The following AMMECR1 variants were observed in gnomAD, a reference collection of about 807,000 sequenced individuals.
AMMECR1 encodes the protein AMMECR nuclear protein 1.
A neutral mutation model predicts 22.5 loss-of-function variants in AMMECR1; 3 were observed. The observed-to-expected ratio is 0.13, with a 90% CI of 0.06 to 0.35. AMMECR1 has a LOEUF of 0.35. Ranked by LOEUF, AMMECR1 falls within the 10% of genes least tolerant of loss-of-function variation. The pLI, the probability that AMMECR1 is intolerant of heterozygous loss-of-function variation, is 1.00. For missense variants in AMMECR1, 235 were observed against 278.7 expected (o/e 0.84, Z 1.12); for synonymous variants, 130 against 116.7 (o/e 1.11, Z -0.74).
chrX:110,207,969 T>C (rs969604615), intron 3 of AMMECR1, among the ~76,000 whole-genome samples: 1 of 111,276 alleles, frequency 9.0e-6, no homozygotes, highest in African/African-American at 3.3e-5. Flanking sequence ...ACTCTGTCTC[T>C]AAAAAACAAA....
chrX:110,335,837 A>G lies in AMMECR1; in HGVS notation c.-147-17988T>C, dbSNP rs1385700910. On this transcript the variant is annotated intron_variant, in intron 2 of 7. Coordinates refer to the AMMECR1 transcript ENST00000372057. ...CCAGGCATTATGCTAGATGCCATGA[A>G]CCTCCTGGAGCTTGTTTAGTGGGGA... Among the ~76,000 whole-genome samples, 5 of 111,642 alleles carry G rather than the reference A, an allele frequency of 4.5e-5. No individual in the cohort carries two copies. In the East Asian group the frequency reaches 1.4e-3, roughly 31 times the overall value.
rs749383585 is a variant in AMMECR1, at chrX:110,264,516, G to A, written c.557C>T (p.Ser186Leu). 1 of 1,203,000 alleles carries A rather than the reference G, an allele frequency of 8.3e-7. No homozygotes were observed. Among genetic ancestry groups the A allele is most frequent in the East Asian group, 3.0e-5 (1 of 33,493 alleles). The change falls in exon 2 of 6, where the codon TCA (serine) becomes TTA (leucine). Residue 186 changes from serine to leucine, a missense_variant. This residue lies in a region of AMMECR1 where 111 missense variants were observed against 181.7 expected (regional missense o/e 0.61). Transcript: ENST00000262844. ...IGTFSAMNLHSGLREYTLTSA... is the reference protein window; with the variant it reads ...IGTFSAMNLHLGLREYTLTSA... ...GGTAAGTGTGTACTCCCTGAGTCCT[G>A]AATGCAAATTCATGGCAGAAAAAGT...
At chrX:110,292,941 G>T in intron 1 of AMMECR1, among the ~76,000 whole-genome samples, 1 of 111,882 alleles carries the variant, frequency 8.9e-6, no homozygotes, top group Non-Finnish European at 1.9e-5. Flanking sequence ...ATATGTGCGA[G>T]CAAGGAGTAT....
intron 2 of AMMECR1, among the ~76,000 whole-genome samples, chrX:110,228,379 CT>C (rs2067544690): frequency 9.0e-6 from 1 of 111,249 alleles, no homozygotes; most frequent in South Asian, 3.8e-4. Context: ...ATCATCTAGT[CT>C]ACATCCTTCA....
At chrX:110,346,001 T>C (rs747182091) in intron 2 of AMMECR1, among the ~76,000 whole-genome samples, 2 of 112,035 alleles carry the variant, frequency 1.8e-5, no homozygotes, top group African/African-American at 3.2e-5. Context: ...ATCATCTTGA[T>C]GTCTATGATA....
At chrX:110,338,571 T>C (rs2068149694) in intron 2 of AMMECR1, among the ~76,000 whole-genome samples, 1 of 112,047 alleles carries the variant, frequency 8.9e-6, no homozygotes, top group Admixed American at 9.5e-5. Context: ...ATGAAATGCC[T>C]GGTAATAAAA....
In AMMECR1 at chrX:110,196,403, T is replaced by G. The variant is rs1414112334; in HGVS notation, c.*2117A>C. Reference sequence around the variant, plus strand: ...CTTTTTTTTGTTTTTTGTTTTGTTTTTTTTTTGTTTGTTTTTTTTTGCAGC... The same window carrying G: ...CTTTTTTTTGTTTTTTGTTTTGTTTGTTTTTTGTTTGTTTTTTTTTGCAGC... On this transcript the variant is annotated 3_prime_UTR_variant, in exon 6 of 6. Transcript: ENST00000262844. The G allele has an allele frequency of 9.1e-6, 1 of 110,476 alleles. No homozygotes were observed. Among genetic ancestry groups the G allele is most frequent in the Non-Finnish European group, 1.9e-5 (1 of 52,834 alleles). 9.1% of individuals were successfully genotyped at this position (110,476 alleles called of 1,213,427 possible). A position where few individuals can be genotyped will look rare whatever the true frequency, so the allele number is the denominator to read the frequency against.
At chrX:110,200,050 C>G (rs770051331) in intron 5 of AMMECR1, among the ~76,000 whole-genome samples, 3 of 111,541 alleles carry the variant, frequency 2.7e-5, no homozygotes, top group Non-Finnish European at 3.8e-5. Flanking sequence ...TACTTCACCA[C>G]CCTTGACTCA....
At chrX:110,335,034 A>T (rs1602906404) in intron 2 of AMMECR1, among the ~76,000 whole-genome samples, 2 of 112,103 alleles carry the variant, frequency 1.8e-5, no homozygotes, top group African/African-American at 6.5e-5. Flanking sequence ...ACTCTAGGGA[A>T]CACTTGGCCC....
chrX:110,340,230 T>G (rs772156697), intron 2 of AMMECR1, among the ~76,000 whole-genome samples: 6 of 111,491 alleles, frequency 5.4e-5, no homozygotes, highest in Non-Finnish European at 9.4e-5. Flanking sequence ...GCATGTAAAG[T>G]GGTTAGCATA....
intron 1 of AMMECR1, among the ~76,000 whole-genome samples, chrX:110,292,080 G>C (rs1188069366): frequency 8.9e-6 from 1 of 112,021 alleles, no homozygotes; most frequent in Non-Finnish European, 1.9e-5. Context: ...ATCACCAGTG[G>C]GAAGCTGAGT....
Position 110,288,934 on chromosome X carries a change from C to T in AMMECR1, c.474-24335G>A, listed in dbSNP as rs193061754. Among the ~76,000 whole-genome samples the T allele has an allele frequency of 1.9e-3, 211 of 111,655 alleles. 1 individual carries two copies. Among genetic ancestry groups the T allele is most frequent in the African/African-American group, 6.6e-3 (203 of 30,777 alleles). ...AATAAACAGATGCTTTAATTTTAAG[C>T]CACTCCACTCTTCTCTCTCTTGATT... On this transcript the variant is annotated intron_variant, in intron 1 of 5. Coordinates refer to ENST00000262844, the MANE Select transcript of AMMECR1 (RefSeq NM_015365.3).
intron 1 of AMMECR1, among the ~76,000 whole-genome samples, chrX:110,284,067 G>A (rs981934868): frequency 9.0e-5 from 10 of 110,953 alleles, no homozygotes; most frequent in Admixed American, 1.9e-4. Flanking sequence ...CGGCGGTTGC[G>A]GTGAGCTGAG....
chrX:110,382,582 C>G (rs149643744), intron 2 of AMMECR1, among the ~76,000 whole-genome samples: 1,785 of 111,874 alleles, frequency 0.016, 17 homozygotes, highest in Middle Eastern at 0.032. Flanking sequence ...AAGGCAGTCT[C>G]CCTGCATTAG....
chrX:110,438,789 T>C (rs181004802), intron 1 of AMMECR1, among the ~76,000 whole-genome samples: 1 of 112,081 alleles, frequency 8.9e-6, no homozygotes, highest in East Asian at 2.8e-4. Context: ...TCAGAGAAAC[T>C]GAAGGCAGCC....
intron 1 of AMMECR1, among the ~76,000 whole-genome samples, chrX:110,316,532 G>A (rs1157298613): frequency 9.2e-6 from 1 of 109,074 alleles, no homozygotes; most frequent in Admixed American, 9.8e-5. Context: ...TTTACATTCT[G>A]TCTAGCATTT....
chrX:110,230,520 T>C (rs769707490), intron 2 of AMMECR1, among the ~76,000 whole-genome samples: 1 of 111,619 alleles, frequency 9.0e-6, no homozygotes. Flanking sequence ...AAACCACATC[T>C]ACAGGTCACC....
intron 1 of AMMECR1, among the ~76,000 whole-genome samples, chrX:110,433,704 CTT>C (rs200518506): frequency 0.013 from 1,505 of 112,128 alleles, 28 homozygotes; most frequent in African/African-American, 0.046. Context: ...GACAGTGACA[CTT>C]TTAGAAAGCC....
intron 2 of AMMECR1, among the ~76,000 whole-genome samples, chrX:110,243,775 G>A (rs2067644965): frequency 9.0e-6 from 1 of 111,256 alleles, no homozygotes; most frequent in African/African-American, 3.3e-5. Context: ...ATGATATCAA[G>A]GGTCTTTTCC....
Sources: gnomAD v4.1 joint callset for allele counts (sites outside exome capture counted in the v4.1 genomes callset) on GRCh38, gnomAD v4.1.1 for gene constraint, gnomAD v4.1.1 regional missense constraint, MANE v1.5 for transcripts, NCBI Gene and HGNC (gene_info 2026-07-23, HGNC 2026-07-21) for gene names.